ENTREP2: variants seen among roughly 807,000 people sequenced by gnomAD.
ENTREP2 encodes the protein protein ENTREP2.
At chr15:29,541,893 G>A in the ENTREP2 span, among the ~76,000 whole-genome samples, 3 of 152,188 alleles carry the variant, frequency 2.0e-5, no homozygotes, top group Non-Finnish European at 4.4e-5. Context: ...AGCGTAACAG[G>A]TCTTTCTTCT....
the ENTREP2 span, chr15:29,265,107 G>A: frequency 1.3e-5 from 2 of 151,924 alleles, no homozygotes; most frequent in Non-Finnish European, 1.5e-5. Context: ...GACTGAAGGG[G>A]TAACTAAATA....
the ENTREP2 span, among the ~76,000 whole-genome samples, chr15:29,561,514 C>T: frequency 6.6e-6 from 1 of 151,964 alleles, no homozygotes; most frequent in Admixed American, 6.6e-5. Context: ...GGTGAAACCC[C>T]ATCTCTACTA....
chr15:29,269,766 G>T, the ENTREP2 span: 149 of 1,391,958 alleles, frequency 1.1e-4, no homozygotes, highest in Non-Finnish European at 1.3e-4. Flanking sequence ...CGGGGATTGC[G>T]GGTCGGCGAC....
chr15:29,574,331 G>T, the ENTREP2 span, among the ~76,000 whole-genome samples: 1 of 152,106 alleles, frequency 6.6e-6, no homozygotes. Context: ...GTCTCAGTCT[G>T]TCATCAGGCT....
chr15:29,195,846 GT>G, the ENTREP2 span, among the ~76,000 whole-genome samples: 1 of 152,296 alleles, frequency 6.6e-6, no homozygotes, highest in African/African-American at 2.4e-5. Flanking sequence ...TTTTTAAAAA[GT>G]TTTGGCACAG....
the ENTREP2 span, among the ~76,000 whole-genome samples, chr15:29,223,271 A>AG: frequency 8.5e-5 from 13 of 152,314 alleles, no homozygotes; most frequent in African/African-American, 2.6e-4. Context: ...CAGGTTCACT[A>AG]GGCCGTGGGT....
chr15:29,672,698 T>C, the ENTREP2 span, among the ~76,000 whole-genome samples: 1 of 152,130 alleles, frequency 6.6e-6, no homozygotes, highest in African/African-American at 2.4e-5. Context: ...AGACTGGAGT[T>C]TTATTACTAC....
chr15:29,414,956 T>G, the ENTREP2 span, among the ~76,000 whole-genome samples: 1 of 152,138 alleles, frequency 6.6e-6, no homozygotes, highest in East Asian at 1.9e-4. Flanking sequence ...CAGGAAGAAG[T>G]TGAATCTCTG....
chr15:29,424,382 T>G, the ENTREP2 span, among the ~76,000 whole-genome samples: 2 of 152,002 alleles, frequency 1.3e-5, no homozygotes, highest in Non-Finnish European at 2.9e-5. Context: ...TTTTACAGAG[T>G]GCTGATTGGT....
the ENTREP2 span, among the ~76,000 whole-genome samples, chr15:29,200,337 A>C: frequency 6.6e-5 from 10 of 152,202 alleles, 1 homozygote; most frequent in South Asian, 2.1e-3. Context: ...CACCATGCCT[A>C]GCTAATTTTT....
At chr15:29,303,800 C>G in the ENTREP2 span, among the ~76,000 whole-genome samples, 1 of 152,164 alleles carries the variant, frequency 6.6e-6, no homozygotes, top group East Asian at 1.9e-4. Flanking sequence ...CCAGTTCCAT[C>G]TATGTTGCTG....
At chr15:29,223,684 ACTC>A in the ENTREP2 span, among the ~76,000 whole-genome samples, 1 of 151,926 alleles carries the variant, frequency 6.6e-6, no homozygotes, top group African/African-American at 2.4e-5. Flanking sequence ...GCCCAGTAGA[ACTC>A]CTGTAGTGGC....
chr15:29,557,575 C>T, the ENTREP2 span, among the ~76,000 whole-genome samples: 3 of 152,164 alleles, frequency 2.0e-5, no homozygotes, highest in Non-Finnish European at 2.9e-5. Context: ...TGATGTGGGT[C>T]CCCATCGGAG....
chr15:29,572,149 C>T, the ENTREP2 span, among the ~76,000 whole-genome samples: 1 of 152,196 alleles, frequency 6.6e-6, no homozygotes, highest in Non-Finnish European at 1.5e-5. Context: ...TATCAGCCAA[C>T]ACTTTAGCAG....
chr15:29,319,085 A>C, the ENTREP2 span, among the ~76,000 whole-genome samples: 1 of 152,250 alleles, frequency 6.6e-6, no homozygotes, highest in East Asian at 1.9e-4. Flanking sequence ...TCTGCACTGC[A>C]TACTCAAACC....
chr15:29,174,463 C>T, the ENTREP2 span, among the ~76,000 whole-genome samples: 1 of 152,074 alleles, frequency 6.6e-6, no homozygotes, highest in Non-Finnish European at 1.5e-5. Context: ...CCGAGGCGGG[C>T]AGATCATGAG....
At chr15:29,305,606 A>T in the ENTREP2 span, among the ~76,000 whole-genome samples, 8 of 152,146 alleles carry the variant, frequency 5.3e-5, no homozygotes, top group African/African-American at 1.7e-4. Context: ...GGCGAGAGTC[A>T]AGGGTAACTG....
chr15:29,259,585 C>T, the ENTREP2 span, among the ~76,000 whole-genome samples: 1 of 152,120 alleles, frequency 6.6e-6, no homozygotes, highest in South Asian at 2.1e-4. Flanking sequence ...AGGCCAATCC[C>T]TACTTTCCAC....
At chr15:29,164,003 C>A in the ENTREP2 span, among the ~76,000 whole-genome samples, 1 of 152,176 alleles carries the variant, frequency 6.6e-6, no homozygotes, top group Non-Finnish European at 1.5e-5. Context: ...GGGATTGGGG[C>A]TCTATCTTCA....
Sources: allele counts gnomAD v4.1 joint callset (sites outside exome capture counted in the v4.1 genomes callset), GRCh38; gene constraint gnomAD v4.1.1; transcripts MANE v1.5; gene names NCBI Gene and HGNC (gene_info 2026-07-23, HGNC 2026-07-21).